The following DAB1 variants were observed in gnomAD, a reference collection of about 807,000 sequenced individuals.
DAB1 encodes disabled homolog 1.
Under a neutral mutation model 64.6 loss-of-function variants are expected in DAB1, and 15 were observed. The ratio of observed to expected loss-of-function variants is 0.23; its 90% CI spans 0.16 to 0.36. DAB1 has a LOEUF of 0.36. DAB1 is among the 10% of genes least tolerant of loss of function. The pLI is 1.00. For synonymous variants in DAB1, 235 were observed against 251.9 expected, an observed-to-expected ratio of 0.93 and a Z score of 0.64; for missense variants, 596 against 706.7, an observed-to-expected ratio of 0.84 and a Z score of 1.78.
At chr1:58,057,424 C>A (rs1648197200) in intron 5 of DAB1, among the ~76,000 whole-genome samples, 1 of 152,190 alleles carries the variant, frequency 6.6e-6, no homozygotes, top group South Asian at 2.1e-4. Context: ...TGAGTCTAAT[C>A]CTATTGAATT....
At chr1:58,228,462 T>C (rs995777185) in intron 4 of DAB1, among the ~76,000 whole-genome samples, 3 of 152,086 alleles carry the variant, frequency 2.0e-5, no homozygotes, top group Non-Finnish European at 4.4e-5. Flanking sequence ...GGCAAGAACT[T>C]TGGAGACCAG....
At chr1:58,040,485 C>T (rs377559887) in intron 5 of DAB1, among the ~76,000 whole-genome samples, 1 of 152,174 alleles carries the variant, frequency 6.6e-6, no homozygotes, top group African/African-American at 2.4e-5. Context: ...TTTCACTTTT[C>T]TCATCCTGGT....
exon 3 of DAB1, chr1:58,506,200 C>T (rs1405458678): frequency 1.2e-6 from 1 of 867,984 alleles, no homozygotes; most frequent in Admixed American, 1.7e-5. Context: ...GCTCTTATGT[C>T]TGCACAAGCC....
At chr1:57,637,064 C>A (rs944553509) in intron 7 of DAB1, among the ~76,000 whole-genome samples, 3 of 152,108 alleles carry the variant, frequency 2.0e-5, no homozygotes, top group African/African-American at 4.8e-5. Context: ...TTATAGCAAT[C>A]TCACAATATT....
chr1:57,742,510 A>T (rs1306425090), intron 6 of DAB1, among the ~76,000 whole-genome samples: 1 of 152,106 alleles, frequency 6.6e-6, no homozygotes, highest in Non-Finnish European at 1.5e-5. Context: ...TGATAGTGAC[A>T]TGATAAAGGA....
chr1:57,944,253 TC>T (rs1449573408), intron 5 of DAB1, among the ~76,000 whole-genome samples: 6 of 152,132 alleles, frequency 3.9e-5, no homozygotes, highest in Non-Finnish European at 7.4e-5. Flanking sequence ...GGTACCCTGT[TC>T]CTTGAGGCTG....
At chr1:57,063,020 A>C in intron 8 of DAB1, 77 bp from the exon 9 acceptor site, 1 of 1,309,816 alleles carries the variant, frequency 7.6e-7, no homozygotes, top group South Asian at 1.2e-5. Flanking sequence ...CCAGACTTCA[A>C]CTGCAAGCTG....
At chr1:58,409,348 C>T (rs1442485360) in intron 3 of DAB1, among the ~76,000 whole-genome samples, 1 of 152,022 alleles carries the variant, frequency 6.6e-6, no homozygotes, top group Admixed American at 6.6e-5. Flanking sequence ...CACTTCTGCT[C>T]AAAAAAATAA....
At chr1:57,500,027 T>C (rs1644272848) in intron 7 of DAB1, among the ~76,000 whole-genome samples, 1 of 152,238 alleles carries the variant, frequency 6.6e-6, no homozygotes, top group South Asian at 2.1e-4. Flanking sequence ...ACCAGTAAGA[T>C]ATTTATCCAC....
At chr1:57,102,543 C>T (rs1290762569) in intron 4 of DAB1, among the ~76,000 whole-genome samples, 4 of 152,150 alleles carry the variant, frequency 2.6e-5, no homozygotes, top group African/African-American at 7.2e-5. Flanking sequence ...ACAGATTGAG[C>T]GCCAGGATTT....
intron 5 of DAB1, among the ~76,000 whole-genome samples, chr1:57,969,356 T>A (rs2100301833): frequency 6.6e-6 from 1 of 152,262 alleles, no homozygotes; most frequent in East Asian, 1.9e-4. Context: ...ATATATATAT[T>A]TTTTGAGATA....
At chr1:58,446,003 C>T (rs1645061589) in intron 3 of DAB1, among the ~76,000 whole-genome samples, 1 of 152,152 alleles carries the variant, frequency 6.6e-6, no homozygotes, top group South Asian at 2.1e-4. Context: ...CCAGGACTGT[C>T]TTTGTTTTAG....
chr1:58,402,179 A>G (rs564213852), intron 3 of DAB1, among the ~76,000 whole-genome samples: 195 of 151,908 alleles, frequency 1.3e-3, no homozygotes, highest in Middle Eastern at 3.4e-3. Flanking sequence ...AAGAGCTCCA[A>G]CTCCACTCCA....
chr1:57,698,696 C>A lies in DAB1; in HGVS notation n.552-49031G>T, dbSNP rs541271833. Among the ~76,000 whole-genome samples, 6 of 152,216 alleles carry A rather than the reference C, an allele frequency of 3.9e-5. No homozygotes were observed. The South Asian group carries it at 6.2e-4, about 16-fold the overall frequency. On this transcript the variant is annotated intron_variant and non_coding_transcript_variant, in intron 6 of 20. Coordinates refer to the DAB1 transcript ENST00000485760. ...TAATAAATGAGTGAATAAACATGTT[C>A]ATCAGCACATGGCTCCCTCAGCATA...
intron 4 of DAB1, among the ~76,000 whole-genome samples, chr1:58,216,864 T>C (rs927400161): frequency 2.6e-5 from 4 of 152,318 alleles, no homozygotes; most frequent in African/African-American, 4.8e-5. Context: ...CAGGAGAAAC[T>C]GACACTGAAA....
intron 2 of DAB1, among the ~76,000 whole-genome samples, chr1:57,276,593 T>C (rs1671487537): frequency 6.6e-6 from 1 of 152,208 alleles, no homozygotes; most frequent in Non-Finnish European, 1.5e-5. Context: ...TCCAGCAAGA[T>C]TTAGGATCTG....
At chr1:57,323,233 G>A (rs1469531010) in intron 1 of DAB1, among the ~76,000 whole-genome samples, 1 of 152,094 alleles carries the variant, frequency 6.6e-6, no homozygotes, top group Non-Finnish European at 1.5e-5. Flanking sequence ...CAAGTAAATG[G>A]CAAGATAAAT....
intron 1 of DAB1, among the ~76,000 whole-genome samples, chr1:57,857,666 C>T (rs1255582707): frequency 3.9e-5 from 6 of 152,038 alleles, no homozygotes; most frequent in Non-Finnish European, 7.4e-5. Flanking sequence ...TGGACGTAGG[C>T]AGGAGTTATC....
intron 1 of DAB1, among the ~76,000 whole-genome samples, chr1:57,324,507 T>G (rs1675995675): frequency 6.6e-6 from 1 of 152,126 alleles, no homozygotes; most frequent in Admixed American, 6.5e-5. Flanking sequence ...AAGTAGACAG[T>G]GTTAATGTGG....
Sources: allele counts gnomAD v4.1 joint callset (sites outside exome capture counted in the v4.1 genomes callset), GRCh38; gene constraint gnomAD v4.1.1; transcripts MANE v1.5; gene names NCBI Gene and HGNC (gene_info 2026-07-23, HGNC 2026-07-21).